Variants in DCBLD1 observed in about 807,000 individuals in gnomAD.
The protein encoded by DCBLD1 is discoidin, CUB and LCCL domain-containing protein 1.
DCBLD1 carries 57 observed loss-of-function variants against 71.5 expected under a neutral mutation model. That is an observed-to-expected ratio of 0.80 (90% CI 0.64 to 0.99). The LOEUF is 0.99. Among genes scored for constraint, DCBLD1 ranks in the 50% least tolerant of loss-of-function variants. The pLI is 0.00. For synonymous variants in DCBLD1, 380 were observed against 363.8 expected (o/e 1.04, Z -0.51); for missense variants, 891 against 923.5 (o/e 0.96, Z 0.46).
At chr6:117,503,488 A>G (rs1485744710) in intron 1 of DCBLD1, 2 of 397,232 alleles carry the variant, frequency 5.0e-6, no homozygotes, top group African/African-American at 2.0e-5. Flanking sequence ...ATAGATGATT[A>G]GAAAAAATAA....
intron 4 of DCBLD1, among the ~76,000 whole-genome samples, chr6:117,524,667 C>T (rs1778489680): frequency 6.6e-6 from 1 of 151,880 alleles, no homozygotes; most frequent in Admixed American, 6.6e-5. Flanking sequence ...AAAATGCACC[C>T]CAGATTTTGG....
intron 1 of DCBLD1, among the ~76,000 whole-genome samples, chr6:117,496,410 G>T (rs1777471290): frequency 1.3e-5 from 2 of 152,182 alleles, no homozygotes; most frequent in Admixed American, 1.3e-4. Flanking sequence ...AAGGTAAAAA[G>T]CTAAGCACAA....
chr6:117,563,136 G>T, intron 14 of DCBLD1: 1 of 871,096 alleles, frequency 1.1e-6, no homozygotes, highest in Non-Finnish European at 1.8e-6. Context: ...TGAGGTACCC[G>T]CCTTTCATTT....
At chr6:117,534,037 G>T (rs748750191) in intron 6 of DCBLD1, among the ~76,000 whole-genome samples, 3 of 152,210 alleles carry the variant, frequency 2.0e-5, no homozygotes, top group Non-Finnish European at 4.4e-5. Context: ...CTTACCTCAT[G>T]ATATTTGTGT....
chr6:117,530,187 G>A (rs1282624449), intron 5 of DCBLD1, among the ~76,000 whole-genome samples: 1 of 152,152 alleles, frequency 6.6e-6, no homozygotes, highest in African/African-American at 2.4e-5. Context: ...GGTGTACTGG[G>A]TACCCTTTAG....
intron 1 of DCBLD1, among the ~76,000 whole-genome samples, chr6:117,496,992 G>T (rs1421867876): frequency 1.3e-5 from 2 of 152,076 alleles, no homozygotes; most frequent in Non-Finnish European, 2.9e-5. Context: ...AAAGCTTGAG[G>T]TTTCTGTCTT....
intron 14 of DCBLD1, chr6:117,560,784 C>T (rs756065488): frequency 4.7e-5 from 10 of 210,624 alleles, no homozygotes; most frequent in Admixed American, 1.2e-4. Context: ...TTTATTAAAA[C>T]GTTTTCTCAA....
At chr6:117,557,397 G>T (rs942121589) in intron 14 of DCBLD1, among the ~76,000 whole-genome samples, 1 of 151,960 alleles carries the variant, frequency 6.6e-6, no homozygotes, top group African/African-American at 2.4e-5. Flanking sequence ...CATATTGCTG[G>T]ATTTTTTCCA....
chr6:117,559,734 C>A (rs1583044041), intron 14 of DCBLD1, among the ~76,000 whole-genome samples: 2 of 151,904 alleles, frequency 1.3e-5, no homozygotes, highest in South Asian at 4.1e-4. Flanking sequence ...GTTATAAAAC[C>A]ACCTAAAATA....
At chr6:117,520,846 C>T (rs1392744982) in intron 3 of DCBLD1, among the ~76,000 whole-genome samples, 3 of 152,236 alleles carry the variant, frequency 2.0e-5, no homozygotes, top group Non-Finnish European at 2.9e-5. Flanking sequence ...TGACTAATCA[C>T]AGCAGATGCC....
At position 117,521,566 on chromosome 6, in the gene DCBLD1, A is replaced by T. The variant is rs1211083366; in HGVS notation, c.502A>T (p.Thr168Ser). 1 of 1,566,534 alleles carries T rather than the reference A, an allele frequency of 6.4e-7. No homozygotes were observed. The highest frequency in any genetic ancestry group is 8.6e-7 in the Non-Finnish European group (1 of 1,165,842). The change falls in exon 4 of 15, where the codon ACA (threonine) becomes TCA (serine). Residue 168 changes from threonine (T) to serine (S), a missense_variant. Thr to Ser is a moderately conservative substitution (Grantham distance 58). Transcript: ENST00000338728. ...GGAACGAGCTAGCCATTATTTGAAGACAGAATACAGGTAAGTATAGGTATC... is the reference window on the plus strand; with the variant it reads ...GGAACGAGCTAGCCATTATTTGAAGTCAGAATACAGGTAAGTATAGGTATC... ...CLERASHYLK[T>S]EYSKFCPAGC...
chr6:117,489,629 A>G (rs1163548381), intron 1 of DCBLD1, among the ~76,000 whole-genome samples: 1 of 152,208 alleles, frequency 6.6e-6, no homozygotes, highest in East Asian at 1.9e-4. Flanking sequence ...TCATGCCTGT[A>G]ATCCCAGCAC....
At chr6:117,494,576 G>C (rs999514129) in intron 1 of DCBLD1, among the ~76,000 whole-genome samples, 2 of 151,782 alleles carry the variant, frequency 1.3e-5, no homozygotes, top group African/African-American at 4.8e-5. Context: ...GAATTGTTTC[G>C]CTGTACAAAC....
chr6:117,544,480 C>G (rs551436880), intron 12 of DCBLD1, 48 bp from the exon 13 acceptor site: 1 of 1,590,774 alleles, frequency 6.3e-7, no homozygotes, highest in East Asian at 2.2e-5. Context: ...GAGAGAGAGG[C>G]AGATACATTG....
At chr6:117,566,273 C>T (rs1779694713) in intron 14 of DCBLD1, among the ~76,000 whole-genome samples, 2 of 152,120 alleles carry the variant, frequency 1.3e-5, no homozygotes, top group African/African-American at 2.4e-5. Flanking sequence ...ACCTCATGAA[C>T]TCTGCTAAAA....
rs147774916 is a variant in DCBLD1 at position 117,509,532 on chromosome 6, A to G, written c.325+5553A>G. 8.3e-4 allele frequency among the ~76,000 whole-genome samples: 127 copies of G among 152,308 alleles called. 1 individual carries two copies. The highest frequency in any genetic ancestry group is 2.9e-3 in the African/African-American group (122 of 41,580). On this transcript the variant is annotated intron_variant, in intron 2 of 14. Transcript: ENST00000338728. Reference sequence around the variant, plus strand: ...TAAAGGATGACACCTGGTACATAGTAAGCACTTAGTCAACGTTAGCCATTA... The same window carrying G: ...TAAAGGATGACACCTGGTACATAGTGAGCACTTAGTCAACGTTAGCCATTA...
intron 1 of DCBLD1, among the ~76,000 whole-genome samples, chr6:117,490,075 A>T (rs372262173): frequency 0.032 from 4,646 of 143,148 alleles, 85 homozygotes; most frequent in Non-Finnish European, 0.038. Context: ...TTTTAGTTCT[A>T]TATATTTTTA....
At chr6:117,520,026 T>C (rs2114487494) in intron 3 of DCBLD1, 76 bp downstream of exon 3, 1 of 1,585,234 alleles carries the variant, frequency 6.3e-7, no homozygotes, top group South Asian at 1.1e-5. Context: ...TCCCCATCCC[T>C]GGACATAATT....
intron 14 of DCBLD1, among the ~76,000 whole-genome samples, chr6:117,563,720 T>G (rs1404843830): frequency 1.3e-5 from 2 of 150,380 alleles, no homozygotes; most frequent in African/African-American, 4.9e-5. Context: ...AAACTCTGTC[T>G]CGATTAAAAA....
Sources: allele counts gnomAD v4.1 joint callset (sites outside exome capture counted in the v4.1 genomes callset), GRCh38; gene constraint gnomAD v4.1.1; transcripts MANE v1.5; gene names NCBI Gene and HGNC (gene_info 2026-07-23, HGNC 2026-07-21).